ZMYND8: variants seen among roughly 807,000 people sequenced by gnomAD.
ZMYND8 encodes the protein zinc finger MYND-type containing 8.
In ZMYND8, 37 loss-of-function variants were observed where a neutral mutation model predicts 140.8. The ratio of observed to expected loss-of-function variants is 0.26; its 90% CI spans 0.20 to 0.35. ZMYND8 has a LOEUF of 0.35. ZMYND8 is among the 10% of genes least tolerant of loss of function. The pLI is 1.00. For missense variants in ZMYND8, 1,068 were observed against 1,570.0 expected, an observed-to-expected ratio of 0.68 and a Z score of 5.40; for synonymous variants, 592 against 597.1, an observed-to-expected ratio of 0.99 and a Z score of 0.12.
At chr20:47,300,149 C>A (rs1234254051) in intron 3 of ZMYND8, among the ~76,000 whole-genome samples, 1 of 152,134 alleles carries the variant, frequency 6.6e-6, no homozygotes, top group Non-Finnish European at 1.5e-5. Context: ...TCAGGAGAAA[C>A]TCATAATGAA....
At position 47,210,837 on chromosome 20, in the gene ZMYND8, C is replaced by T. The variant is rs1294074076; in HGVS notation, c.3629G>A (p.Arg1210His). The T allele has an allele frequency of 1.5e-5, 24 of 1,614,060 alleles. No individual in the cohort carries two copies. Among genetic ancestry groups the T allele is most frequent in the Non-Finnish European group, 1.9e-5 (23 of 1,180,010 alleles). ...SSSDEKRGSTRSDHNTSTSTK... is the reference protein window; with the variant it reads ...SSSDEKRGSTHSDHNTSTSTK... ...GCTGGTACTGGTGTTGTGATCGGAACGTGTCGATCCCCTCTTCTCATCACT... is the reference window on the plus strand; with the variant it reads ...GCTGGTACTGGTGTTGTGATCGGAATGTGTCGATCCCCTCTTCTCATCACT... Residue 1210 changes from arginine to histidine, a missense_variant, in exon 23 of 23, where the codon CGT becomes CAT. Arg to His is a conservative substitution (Grantham distance 29). Coordinates refer to ENST00000471951, the MANE Select transcript of ZMYND8 (RefSeq NM_001281775.3).
chr20:47,255,775 A>C (rs1467180722), intron 12 of ZMYND8, among the ~76,000 whole-genome samples: 2 of 128,572 alleles, frequency 1.6e-5, no homozygotes, highest in Non-Finnish European at 3.2e-5. Context: ...CGGTATATAT[A>C]TATATTTGTA....
At chr20:47,245,492 C>T (rs149020146) in intron 14 of ZMYND8, among the ~76,000 whole-genome samples, 13 of 152,102 alleles carry the variant, frequency 8.5e-5, no homozygotes, top group Non-Finnish European at 1.3e-4. Flanking sequence ...ATGATCCACC[C>T]GCCTCGGCCT....
intron 14 of ZMYND8, 76 bp downstream of exon 14, chr20:47,245,932 T>A (rs2040514481): frequency 6.6e-7 from 1 of 1,516,534 alleles, no homozygotes; most frequent in Admixed American, 2.3e-5. Flanking sequence ...AAGGGTCACA[T>A]AACTTTTGAT....
At chr20:47,329,283 G>A (rs2080734796) in intron 2 of ZMYND8, among the ~76,000 whole-genome samples, 1 of 152,148 alleles carries the variant, frequency 6.6e-6, no homozygotes, top group African/African-American at 2.4e-5. Flanking sequence ...CTCGAATGAT[G>A]GCAATGTTCT....
chr20:47,268,293 T>C (rs1273178613), intron 11 of ZMYND8, among the ~76,000 whole-genome samples: 2 of 140,936 alleles, frequency 1.4e-5, no homozygotes, highest in African/African-American at 2.7e-5. Context: ...CCCGTCTCTT[T>C]TTTTTTTTTT....
intron 13 of ZMYND8, among the ~76,000 whole-genome samples, chr20:47,247,593 GATA>G (rs1293968312): frequency 6.6e-6 from 1 of 152,176 alleles, no homozygotes; most frequent in Non-Finnish European, 1.5e-5. Flanking sequence ...TCATACTGTA[GATA>G]ATAATACCAT....
chr20:47,280,072 G>A (rs559664192), intron 10 of ZMYND8, among the ~76,000 whole-genome samples: 9 of 147,942 alleles, frequency 6.1e-5, no homozygotes, highest in Non-Finnish European at 8.9e-5. Flanking sequence ...GCAATGAGCC[G>A]AGAGCTCGCC....
Position 47,282,215 on chromosome 20 carries a change from G to A in ZMYND8, c.885C>T (p.Ser295=). The change falls in exon 10 of 23, where the codon AGC becomes AGT. Residue 295 remains serine (S), a splice_region_variant and synonymous_variant. Transcript: ENST00000471951. ...KRDNWFCEPC[S]NPHPLVWAKL... is the part of the protein sequence containing the mutation. Reference sequence around the variant, plus strand: ...TGGCCCAGACCAAAGGATGTGGATTGCTCTAGGAAAAGAAAAACAAGATCC... The same window carrying A: ...TGGCCCAGACCAAAGGATGTGGATTACTCTAGGAAAAGAAAAACAAGATCC... 1 of 1,610,540 alleles carries A rather than the reference G, an allele frequency of 6.2e-7. No individual in the cohort carries two copies. The highest frequency in any genetic ancestry group is 8.5e-7 in the Non-Finnish European group (1 of 1,179,062).
At chr20:47,328,221 T>C (rs2080614484) in intron 2 of ZMYND8, among the ~76,000 whole-genome samples, 2 of 152,262 alleles carry the variant, frequency 1.3e-5, no homozygotes, top group South Asian at 2.1e-4. Context: ...GATGTTTTGC[T>C]AGGATGGCCA....
chr20:47,286,024 C>T (rs550066605), intron 8 of ZMYND8, among the ~76,000 whole-genome samples: 28 of 151,722 alleles, frequency 1.8e-4, no homozygotes, highest in Non-Finnish European at 3.5e-4. Context: ...AACCCCATTT[C>T]TACAAAAAAA....
chr20:47,324,462 TGAGCCGAGATC>T (rs1370646573), intron 2 of ZMYND8, among the ~76,000 whole-genome samples: 18 of 152,182 alleles, frequency 1.2e-4, no homozygotes, highest in East Asian at 3.9e-4. Context: ...GAGGCTGTAG[TGAGCCGAGATC>T]GAGCCACTGC....
At chr20:47,310,330 TCA>T in intron 2 of ZMYND8, 126 bp from the exon 3 acceptor site, 1 of 1,086,196 alleles carries the variant, frequency 9.2e-7, no homozygotes, top group Non-Finnish European at 1.3e-6. Context: ...CGAAGCCACT[TCA>T]GTGTTCCTCC....
chr20:47,266,081 C>T (rs2075499452), intron 11 of ZMYND8, among the ~76,000 whole-genome samples: 1 of 152,134 alleles, frequency 6.6e-6, no homozygotes, highest in South Asian at 2.1e-4. Context: ...ACCCACAAGC[C>T]TCACGCTGCA....
intron 11 of ZMYND8, among the ~76,000 whole-genome samples, chr20:47,263,520 T>C (rs955236601): frequency 1.3e-5 from 2 of 152,236 alleles, no homozygotes; most frequent in African/African-American, 4.8e-5. Flanking sequence ...GGCTGGTGAA[T>C]CCAAGTAAGC....
intron 14 of ZMYND8, among the ~76,000 whole-genome samples, chr20:47,241,782 C>T (rs1216520543): frequency 1.3e-5 from 2 of 151,866 alleles, no homozygotes; most frequent in Non-Finnish European, 2.9e-5. Context: ...ACATCAAACT[C>T]CTTTAAATAA....
intron 7 of ZMYND8, among the ~76,000 whole-genome samples, 198 bp from the exon 8 acceptor site, chr20:47,287,482 C>A (rs762404696): frequency 1.3e-5 from 2 of 152,134 alleles, no homozygotes; most frequent in Non-Finnish European, 2.9e-5. Context: ...GACTCTTTGG[C>A]GCCTCGATGT....
At chr20:47,265,364 C>T (rs1265109223) in intron 11 of ZMYND8, among the ~76,000 whole-genome samples, 1 of 152,172 alleles carries the variant, frequency 6.6e-6, no homozygotes, top group African/African-American at 2.4e-5. Context: ...CAAACAAAAA[C>T]ACGCAAAGAT....
At chr20:47,220,191 CA>C in intron 21 of ZMYND8, 66 bp downstream of exon 21, 1 of 1,391,254 alleles carries the variant, frequency 7.2e-7, no homozygotes. Flanking sequence ...TTCTCCCTGA[CA>C]AAATGGCTCC....
Sources: gnomAD v4.1 joint callset for allele counts (sites outside exome capture counted in the v4.1 genomes callset) on GRCh38, gnomAD v4.1.1 for gene constraint, MANE v1.5 for transcripts, NCBI Gene and HGNC (gene_info 2026-07-23, HGNC 2026-07-21) for gene names.